ZFHX3: variants seen among roughly 807,000 people sequenced by gnomAD.
ZFHX3 encodes zinc finger homeobox protein 3.
ZFHX3 carries 42 observed loss-of-function variants against 279.1 expected under a neutral mutation model. That is an observed-to-expected ratio of 0.15 (90% CI 0.12 to 0.19). The LOEUF is 0.19. Ranked by LOEUF, ZFHX3 falls within the 10% of genes least tolerant of loss-of-function variation. The probability of loss-of-function intolerance (pLI) is 1.00; values close to 1 mark genes in which losing one functional copy is unlikely to be tolerated. For missense variants in ZFHX3, 4,981 were observed against 4,754.0 expected (o/e 1.05, Z -1.40); for synonymous variants, 2,293 against 1,957.8 (o/e 1.17, Z -4.52).
chr16:73,466,448 C>A (rs1281679552), intron 2 of ZFHX3, among the ~76,000 whole-genome samples: 1 of 152,226 alleles, frequency 6.6e-6, no homozygotes, highest in Non-Finnish European at 1.5e-5. Context: ...CACCACTGCG[C>A]TCCAGCTTGG....
intron 3 of ZFHX3, among the ~76,000 whole-genome samples, chr16:73,410,664 G>A (rs914715304): frequency 2.0e-5 from 3 of 151,180 alleles, no homozygotes; most frequent in African/African-American, 7.4e-5. Context: ...CCCATCTCCT[G>A]CTCTTGGACC....
intron 5 of ZFHX3, among the ~76,000 whole-genome samples, chr16:73,186,704 A>T (rs1016303163): frequency 5.3e-5 from 8 of 151,960 alleles, no homozygotes; most frequent in Admixed American, 5.3e-4. Flanking sequence ...AACACCAGCC[A>T]TTTCTCCTAA....
intron 3 of ZFHX3, among the ~76,000 whole-genome samples, chr16:73,415,170 A>G (rs1482110075): frequency 6.6e-6 from 1 of 152,210 alleles, no homozygotes; most frequent in African/African-American, 2.4e-5. Flanking sequence ...AAAATCAGCT[A>G]GCAAGATAGG....
intron 4 of ZFHX3, among the ~76,000 whole-genome samples, chr16:73,273,734 G>A (rs2014216823): frequency 6.6e-6 from 1 of 152,026 alleles, no homozygotes; most frequent in African/African-American, 2.4e-5. Context: ...GATATTTAAT[G>A]TCTTTTGTTA....
At chr16:73,575,530 A>G (rs1195016542) in intron 2 of ZFHX3, among the ~76,000 whole-genome samples, 1 of 152,196 alleles carries the variant, frequency 6.6e-6, no homozygotes, top group Non-Finnish European at 1.5e-5. Flanking sequence ...AAACATCAAC[A>G]TGGGACCGAT....
intron 4 of ZFHX3, among the ~76,000 whole-genome samples, chr16:72,858,055 T>C (rs979493036): frequency 6.6e-6 from 1 of 152,226 alleles, no homozygotes; most frequent in Non-Finnish European, 1.5e-5. Flanking sequence ...TTCAGTGTTC[T>C]CTTCCCTGAT....
chr16:73,781,530 T>C (rs1421356681), intron 1 of ZFHX3, among the ~76,000 whole-genome samples: 3 of 152,186 alleles, frequency 2.0e-5, no homozygotes, highest in Non-Finnish European at 2.9e-5. Flanking sequence ...CACACTACAG[T>C]GGCAGAATTG....
Position 73,046,788 on chromosome 16 carries a change from A to C in ZFHX3, c.-50+964T>G, listed in dbSNP as rs187301116. On this transcript the variant is annotated intron_variant, in intron 1 of 9. Transcript: ENST00000268489. ...TGGTGCATTCTGACAAGCAGGACCCAGTATGAAGGAGAGGCCTTCCTTCTG... is the reference window on the plus strand; with the variant it reads ...TGGTGCATTCTGACAAGCAGGACCCCGTATGAAGGAGAGGCCTTCCTTCTG... 6.5e-3 allele frequency among the ~76,000 whole-genome samples: 990 copies of C among 152,012 alleles called. 3 individuals are homozygous for C. Among genetic ancestry groups the C allele is most frequent in the Non-Finnish European group, 0.011 (727 of 68,002 alleles).
chr16:73,132,307 T>C (rs1158089843), intron 6 of ZFHX3, among the ~76,000 whole-genome samples: 1 of 152,130 alleles, frequency 6.6e-6, no homozygotes, highest in Non-Finnish European at 1.5e-5. Context: ...GGAGAGGGGA[T>C]GCACTTGGTC....
chr16:72,990,990 A>AT (rs1340057674), intron 1 of ZFHX3, among the ~76,000 whole-genome samples: 2 of 149,830 alleles, frequency 1.3e-5, no homozygotes, highest in African/African-American at 5.1e-5. Context: ...AAAAAATAAA[A>AT]TTAAAAAAAA....
intron 3 of ZFHX3, among the ~76,000 whole-genome samples, chr16:72,938,259 A>C (rs554099570): frequency 6.6e-6 from 1 of 152,372 alleles, no homozygotes; most frequent in African/African-American, 2.4e-5. Context: ...AAAATAAAAG[A>C]TACTTTCCAA....
intron 7 of ZFHX3, chr16:73,093,849 T>C (rs1343327526): frequency 1.4e-5 from 4 of 286,362 alleles, no homozygotes; most frequent in African/African-American, 2.2e-5. Flanking sequence ...GAAAAGAAAA[T>C]GAATTTTAGG....
At chr16:72,921,926 G>A (rs1297139779) in intron 3 of ZFHX3, among the ~76,000 whole-genome samples, 1 of 152,176 alleles carries the variant, frequency 6.6e-6, no homozygotes, top group Non-Finnish European at 1.5e-5. Context: ...ACGAAAGCAG[G>A]CCTGCCTCCC....
At chr16:73,284,325 A>C (rs1324502101) in intron 4 of ZFHX3, among the ~76,000 whole-genome samples, 1 of 151,358 alleles carries the variant, frequency 6.6e-6, no homozygotes, top group Admixed American at 6.6e-5. Flanking sequence ...TCAAAAAAAA[A>C]AAAAAAAAAA....
At chr16:73,849,098 C>T (rs1259803710) in intron 1 of ZFHX3, among the ~76,000 whole-genome samples, 1 of 152,200 alleles carries the variant, frequency 6.6e-6, no homozygotes, top group East Asian at 1.9e-4. Context: ...GTAAACTGAA[C>T]TCATCAGTGC....
At chr16:73,633,755 G>A (rs2052499780) in intron 2 of ZFHX3, among the ~76,000 whole-genome samples, 1 of 152,088 alleles carries the variant, frequency 6.6e-6, no homozygotes, top group African/African-American at 2.4e-5. Flanking sequence ...AAAATTAGTT[G>A]GGCATGGTGG....
Position 72,891,272 on chromosome 16 carries a change from G to A in ZFHX3, c.3217-1310C>T, listed in dbSNP as rs182564951. Among the ~76,000 whole-genome samples, 91 of 152,240 alleles carry A rather than the reference G, an allele frequency of 6.0e-4. 1 individual carries two copies. Among genetic ancestry groups the A allele is most frequent in the Non-Finnish European group, 9.3e-4 (63 of 68,014 alleles). ...TGTTGTACTTAGTAGACACAGTATT[G>A]ATCCCAGAGCATGGCAGCCTAAGAG... On this transcript the variant is annotated intron_variant, in intron 3 of 9. Coordinates refer to ENST00000268489, the MANE Select transcript of ZFHX3 (RefSeq NM_006885.4).
intron 3 of ZFHX3, among the ~76,000 whole-genome samples, chr16:73,349,612 TCCTCCCTCCCTTCCTCCCTCCCTC>T (rs2016187398): frequency 8.9e-6 from 1 of 112,848 alleles, no homozygotes; most frequent in Admixed American, 8.2e-5. Flanking sequence ...CTCCCTTACT[TCCTCCCTCCCTTCCTCCCTCCCTC>T]CCTCCCTCCC....
At chr16:73,644,840 T>C (rs1041451574) in intron 2 of ZFHX3, among the ~76,000 whole-genome samples, 3 of 152,196 alleles carry the variant, frequency 2.0e-5, no homozygotes, top group Non-Finnish European at 2.9e-5. Context: ...TCTCATGTCA[T>C]TGGAAGAAGT....
Sources: gnomAD v4.1 joint callset for allele counts (sites outside exome capture counted in the v4.1 genomes callset) on GRCh38, gnomAD v4.1.1 for gene constraint, MANE v1.5 for transcripts, NCBI Gene and HGNC (gene_info 2026-07-23, HGNC 2026-07-21) for gene names.